Variants in MTFMT observed in about 807,000 individuals in gnomAD.
The protein encoded by MTFMT is methionyl-tRNA formyltransferase, mitochondrial.
In MTFMT, 47 loss-of-function variants were observed where a neutral mutation model predicts 51.8. The observed-to-expected ratio is 0.91, with a 90% CI of 0.72 to 1.16. The LOEUF is 1.16. Ranked by LOEUF, MTFMT falls within the 50% of genes most tolerant of loss-of-function variation. The pLI is 0.00. For missense variants in MTFMT, 512 were observed against 482.3 expected, an observed-to-expected ratio of 1.06 and a Z score of -0.58; for synonymous variants, 196 against 176.7, an observed-to-expected ratio of 1.11 and a Z score of -0.87.
rs1411892180 is a variant in MTFMT at position 65,003,197 on chromosome 15, G to C, written c.1035C>G (p.Phe345Leu). ...MLKKSLTATD[F>L]YNGYLHPWYQ... ...ACCAGGGGTGCAAATATCCATTGTA[G>C]AAGTCAGTAGCTGTTAGTGATTTCT... The change falls in exon 9 of 9, where the codon TTC becomes TTG. Residue 345 changes from phenylalanine to leucine, a missense_variant. Phe to Leu is a conservative substitution (Grantham distance 22). Transcript: ENST00000220058. The C allele has an allele frequency of 1.9e-6, 3 of 1,613,654 alleles. No homozygotes were observed. The highest frequency in any genetic ancestry group is 2.5e-6 in the Non-Finnish European group (3 of 1,179,806).
At chr15:65,007,500 A>G (rs773653223) in intron 6 of MTFMT, among the ~76,000 whole-genome samples, 7 of 152,208 alleles carry the variant, frequency 4.6e-5, no homozygotes, top group Admixed American at 6.5e-5. Flanking sequence ...ATTGCTATTT[A>G]TAACACTATA....
At chr15:65,010,882 T>C (rs569283149) in intron 6 of MTFMT, among the ~76,000 whole-genome samples, 81 of 152,354 alleles carry the variant, frequency 5.3e-4, no homozygotes, top group African/African-American at 1.9e-3. Flanking sequence ...ACACTAGTTT[T>C]TGTCTGTTTT....
At chr15:65,025,496 G>C (rs569826739) in intron 2 of MTFMT, among the ~76,000 whole-genome samples, 1 of 152,200 alleles carries the variant, frequency 6.6e-6, no homozygotes, top group Non-Finnish European at 1.5e-5. Flanking sequence ...GTAGGGACCA[G>C]TTAGGAGGCT....
intron 6 of MTFMT, 178 bp downstream of exon 6, chr15:65,016,258 A>G: frequency 2.1e-6 from 1 of 486,144 alleles, no homozygotes; most frequent in Non-Finnish European, 3.7e-6. Context: ...TAAACACTTT[A>G]AACAGCTTAA....
At chr15:65,025,739 T>A (rs2086417449) in intron 2 of MTFMT, among the ~76,000 whole-genome samples, 1 of 152,140 alleles carries the variant, frequency 6.6e-6, no homozygotes, top group Admixed American at 6.5e-5. Context: ...AAAGTGGCTA[T>A]CAGACATCCA....
chr15:65,007,531 C>T (rs1330456327), intron 6 of MTFMT, among the ~76,000 whole-genome samples: 3 of 152,012 alleles, frequency 2.0e-5, no homozygotes, highest in South Asian at 2.1e-4. Context: ...ATAACCTTGT[C>T]GATATATCTT....
intron 1 of MTFMT, 67 bp downstream of exon 1, chr15:65,029,338 G>C (rs1052360889): frequency 7.4e-7 from 1 of 1,347,156 alleles, no homozygotes; most frequent in Non-Finnish European, 9.5e-7. Flanking sequence ...AAACCCTCGG[G>C]GCCGGCCGCC....
intron 5 of MTFMT, among the ~76,000 whole-genome samples, chr15:65,016,801 GA>G (rs2086326756): frequency 7.1e-6 from 1 of 141,724 alleles, no homozygotes; most frequent in Non-Finnish European, 1.5e-5. Context: ...TTTTTTTTGA[GA>G]TAGGGTCTTG....
Position 65,025,384 on chromosome 15 carries a change from G to C in MTFMT, c.419+1447C>G, listed in dbSNP as rs145065560. Among the ~76,000 whole-genome samples the C allele has an allele frequency of 8.7e-3, 1,322 of 151,850 alleles. 31 individuals are homozygous for C. The highest frequency in any genetic ancestry group is 0.031 in the African/African-American group (1,286 of 41,432). On this transcript the variant is annotated intron_variant, in intron 2 of 8. Transcript: ENST00000220058. ...TGTACTCCAGCCTGGGTGACAGCAA[G>C]ACTGTCTCTAAATTAAACAATAAAA...
chr15:65,020,085 G>C, intron 5 of MTFMT, 112 bp downstream of exon 5: 6 of 902,248 alleles, frequency 6.7e-6, no homozygotes, highest in Non-Finnish European at 8.4e-6. Flanking sequence ...CACAAAAGTG[G>C]GCACTCAATC....
intron 1 of MTFMT, among the ~76,000 whole-genome samples, chr15:65,027,579 T>C (rs2086436959): frequency 6.6e-6 from 1 of 152,240 alleles, no homozygotes; most frequent in Admixed American, 6.5e-5. Context: ...TTGAACAGTA[T>C]CATTCTAGGG....
chr15:65,020,476 A>G (rs2086365262), intron 4 of MTFMT, among the ~76,000 whole-genome samples: 1 of 152,160 alleles, frequency 6.6e-6, no homozygotes, highest in South Asian at 2.1e-4. Flanking sequence ...AAGGTAGTAC[A>G]TTGGCTTAAG....
intron 6 of MTFMT, among the ~76,000 whole-genome samples, chr15:65,011,150 C>T (rs894528704): frequency 1.3e-5 from 2 of 151,866 alleles, no homozygotes; most frequent in African/African-American, 4.8e-5. Context: ...GGTGAAACCC[C>T]GTCTCTACTA....
chr15:65,028,252 T>C (rs544480624), intron 1 of MTFMT, among the ~76,000 whole-genome samples: 24 of 152,234 alleles, frequency 1.6e-4, no homozygotes, highest in Admixed American at 3.3e-4. Context: ...AAAACCCGCC[T>C]CTACAAAAAA....
At chr15:65,014,294 TTCA>T (rs916655877) in intron 6 of MTFMT, among the ~76,000 whole-genome samples, 10 of 152,026 alleles carry the variant, frequency 6.6e-5, no homozygotes, top group African/African-American at 2.4e-4. Flanking sequence ...TATTTTTATT[TTCA>T]TCAAGGAATT....
chr15:65,006,501 C>T (rs916764748), intron 6 of MTFMT, among the ~76,000 whole-genome samples: 5 of 151,932 alleles, frequency 3.3e-5, no homozygotes, highest in Non-Finnish European at 7.4e-5. Flanking sequence ...TTCAGCCTCC[C>T]GAGTAGCTGG....
chr15:65,013,278 T>C (rs1038318178), intron 6 of MTFMT, among the ~76,000 whole-genome samples: 5 of 134,224 alleles, frequency 3.7e-5, no homozygotes, highest in African/African-American at 1.2e-4. Flanking sequence ...ATTTTCTTTC[T>C]TTCTTCTTCT....
Position 65,023,915 on chromosome 15 carries a change from T to C in MTFMT, c.420-121A>G, listed in dbSNP as rs966383629. The C allele has an allele frequency of 5.3e-5, 47 of 886,476 alleles. 1 individual carries two copies. Among genetic ancestry groups the C allele is most frequent in the Admixed American group, 9.9e-5 (3 of 30,322 alleles). 54.9% of individuals were successfully genotyped at this position (886,476 alleles called of 1,614,324 possible). A position where few individuals can be genotyped will look rare whatever the true frequency, so the allele number is the denominator to read the frequency against. On this transcript the variant is annotated intron_variant, in intron 2 of 8. Transcript: ENST00000220058. ...CCCAGAAATTTGGAAAAACTGACAG[T>C]TAAATCTAAGTCTCGTATCACCTGA... is the stretch of plus-strand genomic sequence containing the variant.
At chr15:65,026,715 A>G (rs1595893559) in intron 2 of MTFMT, 116 bp downstream of exon 2, 1 of 880,436 alleles carries the variant, frequency 1.1e-6, no homozygotes, top group East Asian at 2.7e-5. Context: ...AATGGTAAAA[A>G]TAAAAAAAGA....
Sources: allele counts gnomAD v4.1 joint callset (sites outside exome capture counted in the v4.1 genomes callset), GRCh38; gene constraint gnomAD v4.1.1; transcripts MANE v1.5; gene names NCBI Gene and HGNC (gene_info 2026-07-23, HGNC 2026-07-21).